Variants in CSMD1 observed in about 807,000 individuals in gnomAD.
CSMD1 encodes the protein CUB and Sushi multiple domains 1, also known as CUB and sushi domain-containing protein 1.
Under a neutral mutation model 417.5 loss-of-function variants are expected in CSMD1, and 213 were observed. The ratio of observed to expected loss-of-function variants is 0.51; its 90% CI spans 0.46 to 0.57. The LOEUF (loss-of-function observed/expected upper bound fraction) is 0.57, where lower values mean the gene tolerates loss of function less well. Among genes scored for constraint, CSMD1 ranks in the 20% least tolerant of loss-of-function variants. The probability of loss-of-function intolerance (pLI) is 0.00; values close to 1 mark genes in which losing one functional copy is unlikely to be tolerated. For missense variants in CSMD1, 6,923 were observed against 4,529.7 expected (o/e 1.53, Z -15.17); for synonymous variants, 2,862 against 1,736.8 (o/e 1.65, Z -16.11).
In CSMD1 at chr8:4,717,326, T is replaced by TAC. The variant is rs942087864; in HGVS notation, c.86-79770_86-79769dup. Among the ~76,000 whole-genome samples, 93 of 146,734 alleles carry TAC rather than the reference T, an allele frequency of 6.3e-4. 1 individual carries two copies. In the East Asian group the frequency reaches 0.013, roughly 21 times the overall value. Reference sequence around the variant, plus strand: ...CTCTCTCTCCATATATATATATATATACACACACACACGTATATATACACA... The same window carrying TAC: ...CTCTCTCTCCATATATATATATATATACACACACACACACGTATATATACACA... On this transcript the variant is annotated intron_variant, in intron 1 of 69. Transcript: ENST00000635120.
chr8:3,756,577 C>G (rs12543089), intron 5 of CSMD1, among the ~76,000 whole-genome samples: 30,500 of 152,004 alleles, frequency 0.2, 3,493 homozygotes, highest in South Asian at 0.3. Context: ...ATCCAAAGCC[C>G]TCAAAATACT....
chr8:4,861,161 A>G (rs1475681951), intron 1 of CSMD1, among the ~76,000 whole-genome samples: 2 of 152,170 alleles, frequency 1.3e-5, no homozygotes, highest in African/African-American at 4.8e-5. Flanking sequence ...AAATACATAA[A>G]TGGAAGTTGA....
At chr8:3,725,144 G>C (rs1802410356) in intron 6 of CSMD1, among the ~76,000 whole-genome samples, 1 of 152,176 alleles carries the variant, frequency 6.6e-6, no homozygotes, top group African/African-American at 2.4e-5. Flanking sequence ...AGATAGATAG[G>C]AAAGGGACTA....
chr8:3,455,648 C>T (rs920702794), intron 12 of CSMD1, among the ~76,000 whole-genome samples: 3 of 152,340 alleles, frequency 2.0e-5, no homozygotes, highest in African/African-American at 7.2e-5. Context: ...ACAGCAAATG[C>T]TGCTGCCTGA....
At chr8:3,904,703 C>T (rs897646906) in intron 5 of CSMD1, among the ~76,000 whole-genome samples, 107 of 142,282 alleles carry the variant, frequency 7.5e-4, no homozygotes, top group African/African-American at 2.9e-3. Flanking sequence ...GTGGTGCTAT[C>T]TCAGCTCACA....
At chr8:3,792,313 T>C (rs71521889) in intron 5 of CSMD1, among the ~76,000 whole-genome samples, 31,761 of 151,996 alleles carry the variant, frequency 0.21, 3,549 homozygotes, top group South Asian at 0.26. Context: ...AGAAAAAAAC[T>C]TCCTGGGAGA....
At chr8:3,330,730 G>A (rs1447130077) in intron 23 of CSMD1, among the ~76,000 whole-genome samples, 1 of 152,104 alleles carries the variant, frequency 6.6e-6, no homozygotes, top group South Asian at 2.1e-4. Flanking sequence ...ACCTGCACCT[G>A]TGCCCCAAAC....
At chr8:4,593,927 G>A (rs992373668) in intron 2 of CSMD1, among the ~76,000 whole-genome samples, 1 of 152,142 alleles carries the variant, frequency 6.6e-6, no homozygotes, top group African/African-American at 2.4e-5. Flanking sequence ...CCAGGAGTCT[G>A]AAATCAAAAT....
intron 3 of CSMD1, among the ~76,000 whole-genome samples, chr8:4,165,292 T>G (rs1426256673): frequency 6.6e-6 from 1 of 152,242 alleles, no homozygotes; most frequent in Non-Finnish European, 1.5e-5. Context: ...TCCACTCGGT[T>G]AAGTTCTGTG....
chr8:4,279,843 C>A (rs1316801396), intron 3 of CSMD1, among the ~76,000 whole-genome samples: 1 of 152,134 alleles, frequency 6.6e-6, no homozygotes, highest in African/African-American at 2.4e-5. Flanking sequence ...TTGCCTGCAG[C>A]AGCTCACTGT....
chr8:4,700,903 A>G (rs1447065300), intron 1 of CSMD1, among the ~76,000 whole-genome samples: 9 of 152,220 alleles, frequency 5.9e-5, no homozygotes, highest in Admixed American at 1.3e-4. Context: ...GAACAAAACC[A>G]GAAGATTTCA....
chr8:3,944,024 T>C (rs1166254336), intron 5 of CSMD1, among the ~76,000 whole-genome samples: 1 of 152,122 alleles, frequency 6.6e-6, no homozygotes, highest in African/African-American at 2.4e-5. Flanking sequence ...ATAGTTATAC[T>C]GTGGTTGTGA....
At chr8:3,667,313 A>G (rs1798744727) in intron 7 of CSMD1, among the ~76,000 whole-genome samples, 1 of 152,162 alleles carries the variant, frequency 6.6e-6, no homozygotes, top group South Asian at 2.1e-4. Context: ...GAAAGATAAA[A>G]AGAGAGTGAA....
Position 4,059,815 on chromosome 8 carries a change from A to G in CSMD1, c.416-27716T>C, listed in dbSNP as rs549559642. ...GGCAATAATCAATAGCTTACCAACC[A>G]AAAAGAGTCCAGGACCAGATGGATT... On this transcript the variant is annotated intron_variant, in intron 3 of 69. Transcript: ENST00000635120. Among the ~76,000 whole-genome samples, 8 of 151,174 alleles carry G rather than the reference A, an allele frequency of 5.3e-5. No individual in the cohort carries two copies. In the South Asian group the frequency reaches 1.7e-3, roughly 32 times the overall value.
intron 5 of CSMD1, among the ~76,000 whole-genome samples, chr8:3,790,175 A>T (rs1006838329): frequency 6.6e-6 from 1 of 152,276 alleles, no homozygotes; most frequent in Non-Finnish European, 1.5e-5. Context: ...TTTCAAATAC[A>T]TAATCAGAAC....
chr8:3,932,195 G>A (rs779749623), intron 5 of CSMD1, among the ~76,000 whole-genome samples: 3 of 150,264 alleles, frequency 2.0e-5, no homozygotes, highest in East Asian at 2.0e-4. Flanking sequence ...CTGTTTCATC[G>A]ATACTTTGGT....
rs184989913 is a variant in CSMD1, at chr8:4,898,171, G to C, written c.85+96161C>G. On this transcript the variant is annotated intron_variant, in intron 1 of 69. Coordinates refer to ENST00000635120, the MANE Select transcript of CSMD1 (RefSeq NM_033225.6). ...CTCTGCCTTCTGATATTTGAGGGAG[G>C]AATGCCCAGCGTGCATTGCTATATT... is the stretch of plus-strand genomic sequence containing the variant. Among the ~76,000 whole-genome samples, 205 of 152,220 alleles carry C rather than the reference G, an allele frequency of 1.3e-3. 1 individual carries two copies. The highest frequency in any genetic ancestry group is 0.01 in the Middle Eastern group (3 of 294).
intron 1 of CSMD1, among the ~76,000 whole-genome samples, chr8:4,650,565 G>C (rs950492966): frequency 6.6e-6 from 1 of 151,856 alleles, no homozygotes; most frequent in African/African-American, 2.4e-5. Flanking sequence ...AACAACGCAT[G>C]ACATTGAAAC....
intron 3 of CSMD1, among the ~76,000 whole-genome samples, chr8:4,193,891 T>G (rs1249468634): frequency 6.6e-6 from 1 of 151,870 alleles, no homozygotes; most frequent in Non-Finnish European, 1.5e-5. Context: ...ACTGGCCACC[T>G]CCACGAAGGA....
Sources: allele counts gnomAD v4.1 joint callset (sites outside exome capture counted in the v4.1 genomes callset), GRCh38; gene constraint gnomAD v4.1.1; transcripts MANE v1.5; gene names NCBI Gene and HGNC (gene_info 2026-07-23, HGNC 2026-07-21).